SCGB3A2: variants seen among roughly 807,000 people sequenced by gnomAD.
SCGB3A2 encodes the protein pneumo secretory protein 1.
A neutral mutation model predicts 7.7 loss-of-function variants in SCGB3A2; 5 were observed. The ratio of observed to expected loss-of-function variants is 0.65; its 90% CI spans 0.34 to 1.36. SCGB3A2 has a LOEUF of 1.36. Ranked by LOEUF, SCGB3A2 falls within the 40% of genes most tolerant of loss-of-function variation. The pLI is 0.04. For synonymous variants in SCGB3A2, 44 were observed against 42.7 expected (o/e 1.03, Z -0.12); for missense variants, 109 against 103.6 (o/e 1.05, Z -0.23).
Position 147,881,462 on chromosome 5 carries a change from C to A in SCGB3A2, c.72C>A (p.Ile24=), listed in dbSNP as rs1406171929. The change falls in exon 2 of 3, where the codon ATC becomes ATA. Residue 24 remains isoleucine, a synonymous_variant. Coordinates refer to ENST00000296694, the MANE Select transcript of SCGB3A2 (RefSeq NM_054023.5). ...LCSYSATAFL[I]NKVPLPVDKL... ...TTCCTGCAGCTACTGCCTTCCTCAT[C>A]AACAAAGTGCCCCTTCCTGTTGACA... The A allele has an allele frequency of 1.2e-6, 2 of 1,613,968 alleles. No homozygotes were observed. The highest frequency in any genetic ancestry group is 1.3e-5 in the African/African-American group (1 of 75,022).
At position 147,878,821 on chromosome 5, in the gene SCGB3A2, C is replaced by CT. The variant is rs757938827; in HGVS notation, c.20dup (p.Leu8ProfsTer9). On this transcript the variant is annotated frameshift_variant, in exon 1 of 3. Coordinates refer to ENST00000296694, the MANE Select transcript of SCGB3A2 (RefSeq NM_054023.5). LOFTEE classifies it high-confidence loss of function. Reference sequence around the variant, plus strand: ...TAACTGTCATGAAGCTGGTAACTATCTTCCTGCTGGTGACCATCAGCCTTT... The same window carrying CT: ...TAACTGTCATGAAGCTGGTAACTATCTTTCCTGCTGGTGACCATCAGCCTTT... 8.1e-6 allele frequency: 13 copies of CT among 1,612,840 alleles called. 1 individual carries two copies. In the South Asian group the frequency reaches 1.4e-4, roughly 18 times the overall value.
rs1748971465 is a variant in SCGB3A2 at position 147,881,619 on chromosome 5, GA to G, written c.230del (p.Glu77GlyfsTer6). On this transcript the variant is annotated frameshift_variant, in exon 2 of 3. Coordinates refer to ENST00000296694, the MANE Select transcript of SCGB3A2 (RefSeq NM_054023.5). LOFTEE classifies it high-confidence loss of function. ...LRKCVNELGP[E>X]ASEAVKKLLE... is the part of the protein sequence containing the mutation. ...GAAGTGTGTAAATGAGCTGGGACCA[GA>G]GGCTTCTGAAGCTGTGAAGAAACTG... The G allele has an allele frequency of 6.8e-6, 11 of 1,613,770 alleles. No homozygotes were observed. Among genetic ancestry groups the G allele is most frequent in the Non-Finnish European group, 9.3e-6 (11 of 1,179,884 alleles).
chr5:147,880,553 T>C (rs1378722271), intron 1 of SCGB3A2, among the ~76,000 whole-genome samples: 1 of 152,196 alleles, frequency 6.6e-6, no homozygotes, highest in African/African-American at 2.4e-5. Context: ...GTTTCTAAAA[T>C]GCTTCTCCTC....
intron 1 of SCGB3A2, chr5:147,881,159 GA>G: frequency 5.9e-6 from 2 of 337,570 alleles, no homozygotes; most frequent in East Asian, 1.0e-4. Flanking sequence ...GTAATGGTAA[GA>G]AAAAATAAAT....
At chr5:147,881,198 G>A in intron 1 of SCGB3A2, 1 of 457,024 alleles carries the variant, frequency 2.2e-6, no homozygotes, top group Non-Finnish European at 3.9e-6. Flanking sequence ...GCCATTGCAG[G>A]CTTCTCCGAG....
At chr5:147,879,028 T>C (rs1446740683) in intron 1 of SCGB3A2, among the ~76,000 whole-genome samples, 170 bp downstream of exon 1, 2 of 152,168 alleles carry the variant, frequency 1.3e-5, no homozygotes, top group Non-Finnish European at 2.9e-5. Context: ...TTTGCAGGGT[T>C]GGAAGAAGTT....
intron 1 of SCGB3A2, 61 bp from the exon 2 acceptor site, chr5:147,881,385 G>A (rs1378848807): frequency 1.6e-6 from 2 of 1,267,802 alleles, no homozygotes; most frequent in African/African-American, 1.5e-5. Flanking sequence ...AGGGAAAGAA[G>A]ATGAGGTCAT....
chr5:147,882,063 G>C lies in SCGB3A2; in HGVS notation c.*13G>C. The C allele has an allele frequency of 6.2e-7, 1 of 1,613,640 alleles. No individual in the cohort carries two copies. The highest frequency in any genetic ancestry group is 1.1e-5 in the South Asian group (1 of 91,058). ...ACACTTGGTGTGACATCAAGATAAA[G>C]AGCGGAGGTGGATGGGGATGGAAGA... is the stretch of plus-strand genomic sequence containing the variant. On this transcript the variant is annotated 3_prime_UTR_variant, in exon 3 of 3. Transcript: ENST00000296694.
chr5:147,878,964 G>C, intron 1 of SCGB3A2, 106 bp downstream of exon 1: 1 of 749,678 alleles, frequency 1.3e-6, no homozygotes, highest in East Asian at 2.5e-5. Flanking sequence ...TATGGTGGTA[G>C]GAATTGTATT....
intron 2 of SCGB3A2, 107 bp downstream of exon 2, chr5:147,881,755 T>C (rs1186861030): frequency 1.1e-6 from 1 of 896,938 alleles, no homozygotes; most frequent in East Asian, 2.6e-5. Context: ...CTTTACTGAT[T>C]ATATTCATAG....
At chr5:147,879,984 A>C (rs1010885747) in intron 1 of SCGB3A2, among the ~76,000 whole-genome samples, 1 of 152,122 alleles carries the variant, frequency 6.6e-6, no homozygotes, top group Non-Finnish European at 1.5e-5. Context: ...GGGAAAATAA[A>C]TACCGCCCCC....
At chr5:147,880,205 T>C (rs1236807020) in intron 1 of SCGB3A2, among the ~76,000 whole-genome samples, 1 of 152,184 alleles carries the variant, frequency 6.6e-6, no homozygotes, top group African/African-American at 2.4e-5. Context: ...TTGTAAAAAA[T>C]ACATCGTACA....
At chr5:147,879,527 C>A (rs1757313095) in intron 1 of SCGB3A2, among the ~76,000 whole-genome samples, 2 of 152,108 alleles carry the variant, frequency 1.3e-5, no homozygotes. Flanking sequence ...TGTGAGATAT[C>A]CAGATAGAAC....
chr5:147,880,164 C>A (rs75749535), intron 1 of SCGB3A2, among the ~76,000 whole-genome samples: 5,461 of 152,236 alleles, frequency 0.036, 254 homozygotes, highest in African/African-American at 0.1. Context: ...TGCTCACATG[C>A]ATGTGTGCAT....
At chr5:147,880,930 CCTT>C (rs1392611910) in intron 1 of SCGB3A2, 1 of 156,674 alleles carries the variant, frequency 6.4e-6, no homozygotes, top group Non-Finnish European at 1.4e-5. Context: ...TAGCATCTCT[CCTT>C]TAGCCTCAAA....
At chr5:147,878,945 A>G (rs1026469908) in intron 1 of SCGB3A2, 87 bp downstream of exon 1, 1 of 869,586 alleles carries the variant, frequency 1.1e-6, no homozygotes. Flanking sequence ...TGCCTCACTG[A>G]CAGTGGAATA....
At chr5:147,878,995 C>A (rs1561624301) in intron 1 of SCGB3A2, 137 bp downstream of exon 1, 1 of 657,620 alleles carries the variant, frequency 1.5e-6, no homozygotes, top group Non-Finnish European at 2.7e-6. Flanking sequence ...TTACTTTTAA[C>A]TGACACATAA....
intron 1 of SCGB3A2, among the ~76,000 whole-genome samples, chr5:147,879,582 G>C (rs554783662): frequency 9.2e-5 from 14 of 152,130 alleles, no homozygotes; most frequent in Non-Finnish European, 1.5e-4. Flanking sequence ...TTCAGGTAAG[G>C]GTATAGAAGC....
intron 1 of SCGB3A2, 25 bp downstream of exon 1, chr5:147,878,883 A>G (rs769599414): frequency 3.9e-6 from 6 of 1,541,968 alleles, no homozygotes; most frequent in Non-Finnish European, 4.5e-6. Flanking sequence ...TACATCTGGA[A>G]TATGTGACAT....
Sources: allele counts gnomAD v4.1 joint callset (sites outside exome capture counted in the v4.1 genomes callset), GRCh38; gene constraint gnomAD v4.1.1; transcripts MANE v1.5; gene names NCBI Gene and HGNC (gene_info 2026-07-23, HGNC 2026-07-21).